Variants in STX7 observed in about 807,000 individuals in gnomAD.
STX7 encodes syntaxin-7.
A neutral mutation model predicts 39.6 loss-of-function variants in STX7; 34 were observed. That is an observed-to-expected ratio of 0.86 (90% CI 0.65 to 1.14). The LOEUF is 1.14. Ranked by LOEUF, STX7 falls within the 50% of genes most tolerant of loss-of-function variation. The probability of loss-of-function intolerance (pLI) is 0.00; values close to 1 mark genes in which losing one functional copy is unlikely to be tolerated. For synonymous variants in STX7, 119 were observed against 99.1 expected (o/e 1.20, Z -1.19); for missense variants, 284 against 310.4 (o/e 0.92, Z 0.64).
At chr6:132,481,052 T>C (rs1582662255) in intron 2 of STX7, among the ~76,000 whole-genome samples, 1 of 152,280 alleles carries the variant, frequency 6.6e-6, no homozygotes, top group East Asian at 1.9e-4. Flanking sequence ...AAATTTGGCA[T>C]TGGCTACAGG....
intron 7 of STX7, 151 bp downstream of exon 7, chr6:132,469,800 C>T: frequency 1.8e-6 from 1 of 553,652 alleles, no homozygotes; most frequent in Middle Eastern, 2.7e-4. Flanking sequence ...GATTCCACCA[C>T]CGCACTCCAG....
chr6:132,469,805 C>CT, intron 7 of STX7, 146 bp downstream of exon 7: 1 of 578,514 alleles, frequency 1.7e-6, no homozygotes, highest in Non-Finnish European at 2.9e-6. Flanking sequence ...CACCACCGCA[C>CT]TCCAGCCTGG....
upstream of STX7, among the ~76,000 whole-genome samples, chr6:132,513,458 T>C (rs1240541687): frequency 6.6e-6 from 1 of 152,128 alleles, no homozygotes; most frequent in Non-Finnish European, 1.5e-5. Flanking sequence ...TATCGAAAAA[T>C]GCAAAGGCGA....
At chr6:132,462,552 C>T (rs1200126032) in intron 9 of STX7, among the ~76,000 whole-genome samples, 1 of 151,262 alleles carries the variant, frequency 6.6e-6, no homozygotes, top group Non-Finnish European at 1.5e-5. Flanking sequence ...TATATGCTAA[C>T]AGCTCCAGAA....
At chr6:132,471,731 C>G in intron 4 of STX7, 131 bp from the exon 5 acceptor site, 3 of 1,000,920 alleles carry the variant, frequency 3.0e-6, no homozygotes, top group South Asian at 3.4e-5. Context: ...CAGATTAACT[C>G]TCAGTAACAT....
At chr6:132,502,030 G>A (rs75812348) in intron 2 of STX7, among the ~76,000 whole-genome samples, 1,836 of 152,286 alleles carry the variant, frequency 0.012, 40 homozygotes, top group African/African-American at 0.042. Context: ...TGTGGACAAC[G>A]TGGTGCCTGG....
chr6:132,504,432 C>A (rs1209959709), intron 1 of STX7, among the ~76,000 whole-genome samples: 1 of 152,184 alleles, frequency 6.6e-6, no homozygotes. Flanking sequence ...TCAATCCACA[C>A]CACTCCAATC....
chr6:132,456,954 T>C lies in STX7; in HGVS notation c.*3804A>G, dbSNP rs779435214. 9 of 152,068 alleles carry C rather than the reference T, an allele frequency of 5.9e-5. No homozygotes were observed. Among genetic ancestry groups the C allele is most frequent in the South Asian group, 2.1e-4 (1 of 4,812 alleles). 9.4% of individuals were successfully genotyped at this position (152,068 alleles called of 1,614,324 possible). A position where few individuals can be genotyped will look rare whatever the true frequency, so the allele number is the denominator to read the frequency against. On this transcript the variant is annotated 3_prime_UTR_variant, in exon 10 of 10. Coordinates refer to ENST00000367941, the MANE Select transcript of STX7 (RefSeq NM_003569.3). ...AGTGTAGGCGGGCAGAGGACATGAG[T>C]TTCACAGCAGTTTCAAAATCTCTTG... is the stretch of plus-strand genomic sequence containing the variant.
chr6:132,471,697 T>C, intron 4 of STX7, 97 bp from the exon 5 acceptor site: 1 of 1,403,630 alleles, frequency 7.1e-7, no homozygotes, highest in Non-Finnish European at 9.7e-7. Flanking sequence ...AAGTTTTCAC[T>C]TACTCCCCAA....
chr6:132,488,927 C>T lies in STX7; in HGVS notation c.86-13265G>A, dbSNP rs547545158. ...GTTAAACAAAGTGATATAGGCCAGG[C>T]GCAGTGGCTCGTGCCTGTAATCCCA... On this transcript the variant is annotated intron_variant, in intron 2 of 9. Coordinates refer to ENST00000367941, the MANE Select transcript of STX7 (RefSeq NM_003569.3). Among the ~76,000 whole-genome samples, 15 of 152,104 alleles carry T rather than the reference C, an allele frequency of 9.9e-5. No homozygotes were observed. In the South Asian group the frequency reaches 2.9e-3, roughly 30 times the overall value.
At chr6:132,472,675 T>C (rs910586644) in intron 3 of STX7, among the ~76,000 whole-genome samples, 5 of 152,222 alleles carry the variant, frequency 3.3e-5, no homozygotes, top group African/African-American at 1.2e-4. Context: ...GACTGTTAGA[T>C]GTCTGATCCT....
intron 2 of STX7, among the ~76,000 whole-genome samples, chr6:132,476,978 T>C (rs1774891221): frequency 6.6e-6 from 1 of 152,136 alleles, no homozygotes; most frequent in African/African-American, 2.4e-5. Context: ...ATAGCTTAAA[T>C]GCTTTAAAAC....
chr6:132,466,988 C>G lies in STX7; in HGVS notation c.610+1415G>C, dbSNP rs76948444. 5.1e-3 allele frequency among the ~76,000 whole-genome samples: 778 copies of G among 152,318 alleles called. 11 individuals are homozygous for G. Among genetic ancestry groups the G allele is most frequent in the African/African-American group, 0.018 (734 of 41,572 alleles). ...GAAATCCATGAACTTCTCACCATCC[C>G]TCTAGTTCCATCCTAATCCAAGCCA... On this transcript the variant is annotated intron_variant, in intron 8 of 9. Transcript: ENST00000367941.
At chr6:132,509,547 T>G (rs936314446) in intron 1 of STX7, among the ~76,000 whole-genome samples, 1 of 151,890 alleles carries the variant, frequency 6.6e-6, no homozygotes, top group African/African-American at 2.4e-5. Flanking sequence ...AAACCAAATT[T>G]ACCACTTTTC....
At chr6:132,491,358 CACTG>C (rs1266751722) in intron 2 of STX7, among the ~76,000 whole-genome samples, 7 of 151,600 alleles carry the variant, frequency 4.6e-5, no homozygotes, top group South Asian at 2.1e-4. Context: ...AACATGCATG[CACTG>C]ACTAACTAGA....
chr6:132,456,415 T>A lies in STX7; in HGVS notation c.*4343A>T, dbSNP rs954487417. On this transcript the variant is annotated 3_prime_UTR_variant, in exon 10 of 10. Coordinates refer to ENST00000367941, the MANE Select transcript of STX7 (RefSeq NM_003569.3). The stretch of plus-strand genomic sequence containing the variant: ...GCCAAATAACAAAACATAAACTCCC[T>A]GAGGGCAGGAAGCTTATTCTTTTGG... 2.6e-5 allele frequency: 4 copies of A among 152,180 alleles called. No individual in the cohort carries two copies. The highest frequency in any genetic ancestry group is 4.4e-5 in the Non-Finnish European group (3 of 68,038). The allele number at this position is 152,180 out of a possible 1,614,324, so 9.4% of individuals were successfully genotyped here. A position where few individuals can be genotyped will look rare whatever the true frequency, so the allele number is the denominator to read the frequency against.
chr6:132,490,647 G>T (rs1775256772), intron 2 of STX7, among the ~76,000 whole-genome samples: 2 of 152,136 alleles, frequency 1.3e-5, no homozygotes, highest in Non-Finnish European at 2.9e-5. Context: ...AGAATAACCG[G>T]GGTTGCAGAG....
intron 2 of STX7, among the ~76,000 whole-genome samples, chr6:132,479,404 G>A (rs1361575028): frequency 6.6e-6 from 1 of 152,130 alleles, no homozygotes; most frequent in African/African-American, 2.4e-5. Context: ...AAAACACAGG[G>A]GTCCCTTAGA....
chr6:132,512,608 A>G (rs1775877243), intron 1 of STX7, among the ~76,000 whole-genome samples: 1 of 152,016 alleles, frequency 6.6e-6, no homozygotes, highest in South Asian at 2.1e-4. Context: ...CGTGAGTTGA[A>G]AAGAGGAAGA....
Sources: allele counts gnomAD v4.1 joint callset (sites outside exome capture counted in the v4.1 genomes callset), GRCh38; gene constraint gnomAD v4.1.1; transcripts MANE v1.5; gene names NCBI Gene and HGNC (gene_info 2026-07-23, HGNC 2026-07-21).